The following SLC5A9 variants were observed in gnomAD, a reference collection of about 807,000 sequenced individuals.
SLC5A9 encodes the protein sodium/glucose cotransporter 4.
Under a neutral mutation model 70.9 loss-of-function variants are expected in SLC5A9, and 59 were observed. That is an observed-to-expected ratio of 0.83 (90% CI 0.68 to 1.03). The LOEUF is 1.03. Ranked by LOEUF, SLC5A9 falls within the 50% of genes least tolerant of loss-of-function variation. The pLI, the probability that SLC5A9 is intolerant of heterozygous loss-of-function variation, is 0.00. For missense variants in SLC5A9, 832 were observed against 881.1 expected, an observed-to-expected ratio of 0.94 and a Z score of 0.71; for synonymous variants, 340 against 346.5, an observed-to-expected ratio of 0.98 and a Z score of 0.21.
chr1:48,224,186 A>G (rs1346877029), intron 1 of SLC5A9, among the ~76,000 whole-genome samples: 3 of 152,198 alleles, frequency 2.0e-5, no homozygotes, highest in Non-Finnish European at 4.4e-5. Context: ...GAGGTCCTGG[A>G]TGGGGCTCAG....
intron 6 of SLC5A9, 64 bp downstream of exon 6, chr1:48,231,689 C>G: frequency 6.3e-7 from 1 of 1,588,680 alleles, no homozygotes; most frequent in South Asian, 1.1e-5. Context: ...CTGTCTCTGC[C>G]ACCTCCACAG....
intron 4 of SLC5A9, 75 bp downstream of exon 4, chr1:48,229,534 G>C (rs1258210850): frequency 1.3e-6 from 2 of 1,572,086 alleles, no homozygotes; most frequent in East Asian, 4.5e-5. Flanking sequence ...CACCATGTGC[G>C]TGTTGCTGAG....
At chr1:48,237,592 C>A in intron 10 of SLC5A9, 87 bp from the exon 11 acceptor site, 1 of 1,324,602 alleles carries the variant, frequency 7.5e-7, no homozygotes, top group Non-Finnish European at 1.1e-6. Flanking sequence ...CTTCTTTCTC[C>A]CTTCCTGGTT....
chr1:48,244,296 C>T (rs1291203765), intron 13 of SLC5A9, among the ~76,000 whole-genome samples: 2 of 152,228 alleles, frequency 1.3e-5, no homozygotes, highest in Admixed American at 1.3e-4. Flanking sequence ...CAAAGCATCA[C>T]TTGCTGCACC....
In SLC5A9 at chr1:48,232,122, C is replaced by T. The variant is rs771272837; in HGVS notation, c.868C>T (p.Leu290=). The T allele has an allele frequency of 6.2e-7, 1 of 1,613,716 alleles. No homozygotes were observed. Among genetic ancestry groups the T allele is most frequent in the East Asian group, 2.2e-5 (1 of 44,874 alleles). ...AGGTCTCATTTTCGGGCTCACAGTGCTGGCCACCTGGTGTTGGTGCACAGA... is the reference window on the plus strand; with the variant it reads ...AGGTCTCATTTTCGGGCTCACAGTGTTGGCCACCTGGTGTTGGTGCACAGA... ...WPGLIFGLTV[L]ATWCWCTDQV... The change falls in exon 7 of 14, where the codon CTG becomes TTG. Residue 290 remains leucine (L), a synonymous_variant. Transcript: ENST00000438567.
At position 48,237,985 on chromosome 1, in the gene SLC5A9, G is replaced by A. The variant is rs1644351046; in HGVS notation, c.1461+138G>A. The A allele has an allele frequency of 3.5e-6, 3 of 855,042 alleles. No homozygotes were observed. The Admixed American group carries it at 8.8e-5, about 25-fold the overall frequency. 53.0% of individuals were successfully genotyped at this position (855,042 alleles called of 1,614,324 possible). Reference sequence around the variant, plus strand: ...TTTCCTGACCACAGCATCCAGCCTAGATTCATTCATTCACTCAACAAACAT... The same window carrying A: ...TTTCCTGACCACAGCATCCAGCCTAAATTCATTCATTCACTCAACAAACAT... On this transcript the variant is annotated intron_variant, in intron 11 of 13. Coordinates refer to ENST00000438567, the MANE Select transcript of SLC5A9 (RefSeq NM_001011547.3).
At chr1:48,222,931 G>A in intron 1 of SLC5A9, 33 bp downstream of exon 1, 1 of 1,610,822 alleles carries the variant, frequency 6.2e-7, no homozygotes, top group Non-Finnish European at 8.5e-7. Context: ...GCTAGCAGGG[G>A]AGGTAGTAGT....
At chr1:48,237,470 G>C (rs1420495246) in intron 10 of SLC5A9, among the ~76,000 whole-genome samples, 2 of 152,046 alleles carry the variant, frequency 1.3e-5, no homozygotes, top group African/African-American at 4.8e-5. Context: ...GAATTATAAG[G>C]TTCTTCAGTT....
chr1:48,233,517 T>G, intron 8 of SLC5A9, 138 bp from the exon 9 acceptor site: 1 of 662,606 alleles, frequency 1.5e-6, no homozygotes, highest in Non-Finnish European at 2.7e-6. Flanking sequence ...CAGACACCAT[T>G]TGCCCCCCAA....
At position 48,247,332 on chromosome 1, in the gene SLC5A9, C is replaced by T. The variant is rs1414871868; in HGVS notation, c.1838-3C>T. The stretch of plus-strand genomic sequence containing the variant: ...CCTTTGTCTTCTGGCTTTGTCCCTC[C>T]AGCCCCAAGCAGGTCCTGGGGAAAG... On this transcript the variant is annotated splice_region_variant and splice_polypyrimidine_tract_variant and intron_variant, in intron 13 of 13. Transcript: ENST00000438567. The T allele has an allele frequency of 6.2e-7, 1 of 1,613,572 alleles. No homozygotes were observed. Among genetic ancestry groups the T allele is most frequent in the Non-Finnish European group, 8.5e-7 (1 of 1,179,696 alleles).
chr1:48,224,825 T>C, intron 2 of SLC5A9, 30 bp downstream of exon 2: 2 of 1,606,380 alleles, frequency 1.2e-6, no homozygotes, highest in Non-Finnish European at 1.7e-6. Context: ...CCACCCCTAG[T>C]GCAGAGGCTC....
At chr1:48,246,314 G>A (rs1644459548) in intron 13 of SLC5A9, among the ~76,000 whole-genome samples, 1 of 152,086 alleles carries the variant, frequency 6.6e-6, no homozygotes, top group African/African-American at 2.4e-5. Context: ...TCCCTTTCCT[G>A]AGACTTTTTT....
intron 10 of SLC5A9, among the ~76,000 whole-genome samples, chr1:48,236,221 C>A (rs1644325084): frequency 6.6e-6 from 1 of 152,106 alleles, no homozygotes; most frequent in Admixed American, 6.6e-5. Context: ...CCAACCAACT[C>A]CGGATGTTAA....
chr1:48,235,127 A>C (rs1401550593), intron 9 of SLC5A9, among the ~76,000 whole-genome samples: 1 of 152,150 alleles, frequency 6.6e-6, no homozygotes, highest in Non-Finnish European at 1.5e-5. Flanking sequence ...AGTGGGTCCC[A>C]TCCTCCCTTG....
At chr1:48,223,001 T>A in intron 1 of SLC5A9, 103 bp downstream of exon 1, 1 of 1,232,438 alleles carries the variant, frequency 8.1e-7, no homozygotes, top group East Asian at 2.5e-5. Context: ...AAGAAGCAGA[T>A]CATAGAACCA....
At position 48,239,193 on chromosome 1, in the gene SLC5A9, C is replaced by T. The variant is rs1477723305; in HGVS notation, c.1462-129C>T. 1 of 686,364 alleles carries T rather than the reference C, an allele frequency of 1.5e-6. No homozygotes were observed. Among genetic ancestry groups the T allele is most frequent in the African/African-American group, 1.8e-5 (1 of 55,504 alleles). The allele number at this position is 686,364 out of a possible 1,614,324, so 42.5% of individuals were successfully genotyped here. ...AGTATTAATGGAGAACTCATTTTCC[C>T]ATTAGTAGATGGATTTGCCCAACAT... On this transcript the variant is annotated intron_variant, in intron 11 of 13. Transcript: ENST00000438567. This position sits in a 1 kb window ranked among gnomAD's most constrained non-coding sequence, Gnocchi z 4.2.
rs750206596 is a variant in SLC5A9 at position 48,235,915 on chromosome 1, C to A, written c.1292+36C>A. ...CCCTCCTTCCCTCCTTCCGAAGTGC[C>A]CTCTCCCCTCTGCCCTGCCCTGGGT... On this transcript the variant is annotated intron_variant, in intron 10 of 13. Coordinates refer to ENST00000438567, the MANE Select transcript of SLC5A9 (RefSeq NM_001011547.3). The A allele has an allele frequency of 4.8e-5, 78 of 1,613,038 alleles. 1 individual carries two copies. The Admixed American group carries it at 1.3e-3, about 27-fold the overall frequency.
At chr1:48,228,399 CTG>C (rs1329296219) in intron 2 of SLC5A9, 1 of 169,632 alleles carries the variant, frequency 5.9e-6, no homozygotes, top group East Asian at 1.6e-4. Context: ...AGAGGTCGAC[CTG>C]GCCTGTGCTC....
chr1:48,240,400 G>A (rs932521066), intron 12 of SLC5A9: 4 of 152,180 alleles, frequency 2.6e-5, no homozygotes, highest in African/African-American at 7.2e-5. Context: ...AGGTACTGGC[G>A]GTTAGGACTT....
Sources: allele counts gnomAD v4.1 joint callset (sites outside exome capture counted in the v4.1 genomes callset), GRCh38; gene constraint gnomAD v4.1.1; non-coding constraint Gnocchi (gnomAD v3.1); transcripts MANE v1.5; gene names NCBI Gene and HGNC (gene_info 2026-07-23, HGNC 2026-07-21).